Variants in POU5F2 observed in about 807,000 individuals in gnomAD.
POU5F2 encodes the protein POU domain, class 5, transcription factor 2.
For missense variants in POU5F2, 401 were observed against 426.6 expected, an observed-to-expected ratio of 0.94 and a Z score of 0.53; for synonymous variants, 191 against 178.7, an observed-to-expected ratio of 1.07 and a Z score of -0.55.
chr5:93,734,508 T>C lies in POU5F2; in HGVS notation c.*6069A>G, dbSNP rs1746797547. The C allele has an allele frequency of 6.6e-6, 1 of 152,194 alleles. No individual in the cohort carries two copies. The highest frequency in any genetic ancestry group is 1.5e-5 in the Non-Finnish European group (1 of 68,026). 9.4% of individuals were successfully genotyped at this position (152,194 alleles called of 1,614,324 possible). The stretch of plus-strand genomic sequence containing the variant: ...GAAAATGCACATATGTACAAAAACA[T>C]TATTCTGCTTATACTCTAAAGGGGC... On this transcript the variant is annotated 3_prime_UTR_variant, in exon 1 of 1. Transcript: ENST00000606183.
chr5:93,740,769 G>A lies in POU5F2; in HGVS notation c.795C>T (p.Gly265=). 1 of 1,612,206 alleles carries A rather than the reference G, an allele frequency of 6.2e-7. No individual in the cohort carries two copies. Among genetic ancestry groups the A allele is most frequent in the Non-Finnish European group, 8.5e-7 (1 of 1,178,934 alleles). ...GGGAAGCATCATTGGTTGGTCGACT[G>A]CCCATCTTGCTGCGGTTATAGAACC... ...RVWFYNRSKM[G]SRPTNDASPR... Residue 265 remains glycine, a synonymous_variant, in exon 1 of 1, where the codon GGC becomes GGT. Coordinates refer to ENST00000606183, the MANE Select transcript of POU5F2 (RefSeq NM_153216.2).
At position 93,739,688 on chromosome 5, in the gene POU5F2, C is replaced by T. The variant is rs1017244979; in HGVS notation, c.*889G>A. On this transcript the variant is annotated 3_prime_UTR_variant, in exon 1 of 1. Transcript: ENST00000606183. ...AGATGAAATTAGAAGAGTTATTTGACGTTTAATGGCAAAAACCACCAGGGA... is the reference window on the plus strand; with the variant it reads ...AGATGAAATTAGAAGAGTTATTTGATGTTTAATGGCAAAAACCACCAGGGA... The T allele has an allele frequency of 1.3e-5, 2 of 152,082 alleles. No homozygotes were observed. The highest frequency in any genetic ancestry group is 2.4e-5 in the African/African-American group (1 of 41,416). 9.4% of individuals were successfully genotyped at this position (152,082 alleles called of 1,614,324 possible).
In POU5F2 at chr5:93,737,805, C is replaced by G. The variant is rs1039241349; in HGVS notation, c.*2772G>C. 3.0e-5 allele frequency: 11 copies of G among 365,524 alleles called. No individual in the cohort carries two copies. The highest frequency in any genetic ancestry group is 2.0e-4 in the African/African-American group (9 of 45,814). 22.6% of individuals were successfully genotyped at this position (365,524 alleles called of 1,614,324 possible). A position where few individuals can be genotyped will look rare whatever the true frequency, so the allele number is the denominator to read the frequency against. On this transcript the variant is annotated 3_prime_UTR_variant, in exon 1 of 1. Transcript: ENST00000606183. ...CCACATGCAAAAGAATGAAGTTGGG[C>G]ACTTACCTCATACCGTATACAAAAA...
At position 93,740,540 on chromosome 5, in the gene POU5F2, C is replaced by T. The variant is rs959529612; in HGVS notation, c.*37G>A. ...TTCCTGGGTTTTCCCTTCTTCTCCC[C>T]TCTCCAACCGTGCCGTGAAGGGCAA... On this transcript the variant is annotated 3_prime_UTR_variant, in exon 1 of 1. Transcript: ENST00000606183. 6.5e-7 allele frequency: 1 copy of T among 1,546,652 alleles called. No individual in the cohort carries two copies. The highest frequency in any genetic ancestry group is 8.7e-7 in the Non-Finnish European group (1 of 1,144,426).
rs1748074847 is a variant in POU5F2 at position 93,740,095 on chromosome 5, T to A, written c.*482A>T. The A allele has an allele frequency of 6.6e-6, 1 of 152,230 alleles. No individual in the cohort carries two copies. Among genetic ancestry groups the A allele is most frequent in the Non-Finnish European group, 1.5e-5 (1 of 68,210 alleles). 9.4% of individuals were successfully genotyped at this position (152,230 alleles called of 1,614,324 possible). A position where few individuals can be genotyped will look rare whatever the true frequency, so the allele number is the denominator to read the frequency against. On this transcript the variant is annotated 3_prime_UTR_variant, in exon 1 of 1. Coordinates refer to ENST00000606183, the MANE Select transcript of POU5F2 (RefSeq NM_153216.2). ...GTTTCTTCCCTATCACATTCTCAAG[T>A]CATTCCCTCAAGATAACTATTATCC...
chr5:93,740,562 G>C lies in POU5F2; in HGVS notation c.*15C>G. 6.3e-7 allele frequency: 1 copy of C among 1,578,894 alleles called. No homozygotes were observed. The highest frequency in any genetic ancestry group is 2.3e-5 in the East Asian group (1 of 44,162). On this transcript the variant is annotated 3_prime_UTR_variant, in exon 1 of 1. Transcript: ENST00000606183. ...CCCCTCTCCAACCGTGCCGTGAAGG[G>C]CAAGCCCCTCAGCCCTAAAATCTGA...
At position 93,740,669 on chromosome 5, in the gene POU5F2, G is replaced by A; in HGVS notation, c.895C>T (p.Pro299Ser). 1 of 1,613,888 alleles carries A rather than the reference G, an allele frequency of 6.2e-7. No individual in the cohort carries two copies. Among genetic ancestry groups the A allele is most frequent in the Non-Finnish European group, 8.5e-7 (1 of 1,179,834 alleles). Residue 299 changes from proline (P) to serine (S), a missense_variant, in exon 1 of 1, where the codon CCA (proline) becomes TCA (serine). Physicochemically the swap from Pro to Ser is moderately conservative, Grantham distance 74. Transcript: ENST00000606183. The stretch of plus-strand genomic sequence containing the variant: ...CGTGTATAGTGGGGGATATCCACTG[G>A]GAGCCCCAGTCCCAGGTGAAAGCAC... The part of the protein sequence containing the change: ...PVCFHLGLGL[P>S]VDIPHYTRLY...
Position 93,740,779 on chromosome 5 carries a change from C to T in POU5F2, c.785G>A (p.Ser262Asn). Residue 262 changes from serine (S) to asparagine (N), a missense_variant, in exon 1 of 1, where the codon AGC becomes AAC. Transcript: ENST00000606183. ...ATTGGTTGGTCGACTGCCCATCTTG[C>T]TGCGGTTATAGAACCAAACTCGAAC... is the stretch of plus-strand genomic sequence containing the variant. Reference protein sequence around the residue: ...DVVRVWFYNRSKMGSRPTNDA... With the variant: ...DVVRVWFYNRNKMGSRPTNDA... The T allele has an allele frequency of 6.2e-7, 1 of 1,612,400 alleles. No homozygotes were observed. Among genetic ancestry groups the T allele is most frequent in the East Asian group, 2.2e-5 (1 of 44,830 alleles).
Sources: allele counts gnomAD v4.1 joint callset, GRCh38; gene constraint gnomAD v4.1.1; transcripts MANE v1.5; gene names NCBI Gene and HGNC (gene_info 2026-07-23, HGNC 2026-07-21).